NEBL: variants seen among roughly 807,000 people sequenced by gnomAD.
The protein encoded by NEBL is LIM and SH3 protein 2.
Under a neutral mutation model 140.2 loss-of-function variants are expected in NEBL, and 122 were observed. That is an observed-to-expected ratio of 0.87 (90% CI 0.75 to 1.01). The LOEUF is 1.01. Among genes scored for constraint, NEBL ranks in the 50% least tolerant of loss-of-function variants. The pLI is 0.00. For missense variants in NEBL, 1,365 were observed against 1,231.3 expected (o/e 1.11, Z -1.62); for synonymous variants, 436 against 398.9 (o/e 1.09, Z -1.11).
intron 16 of NEBL, 24 bp downstream of exon 16, chr10:20,831,172 T>G: frequency 6.7e-7 from 1 of 1,488,924 alleles, no homozygotes; most frequent in Non-Finnish European, 9.4e-7. Context: ...TACACGATTC[T>G]GAGCATCTTC....
intron 3 of NEBL, among the ~76,000 whole-genome samples, chr10:20,996,059 G>C (rs1367586937): frequency 2.0e-5 from 3 of 152,186 alleles, no homozygotes; most frequent in South Asian, 4.1e-4. Context: ...TTAGAGAACA[G>C]CGCGTTCTGG....
At chr10:21,020,739 C>T (rs772998954) in intron 2 of NEBL, among the ~76,000 whole-genome samples, 5 of 152,122 alleles carry the variant, frequency 3.3e-5, no homozygotes, top group Non-Finnish European at 5.9e-5. Context: ...GTCGTCTCCC[C>T]GGGTTTACAC....
chr10:21,257,503 C>T (rs1041331132), intron 1 of NEBL, among the ~76,000 whole-genome samples: 6 of 152,194 alleles, frequency 3.9e-5, no homozygotes, highest in Non-Finnish European at 7.3e-5. Context: ...CACTGGTCCT[C>T]ACCTCCATTG....
intron 3 of NEBL, among the ~76,000 whole-genome samples, chr10:21,217,625 A>G (rs1328967613): frequency 6.6e-6 from 1 of 152,232 alleles, no homozygotes; most frequent in Non-Finnish European, 1.5e-5. Flanking sequence ...ATATGACCCT[A>G]GATAAGATAC....
intron 3 of NEBL, among the ~76,000 whole-genome samples, chr10:21,240,528 A>C (rs1030558435): frequency 6.6e-6 from 1 of 152,140 alleles, no homozygotes; most frequent in Non-Finnish European, 1.5e-5. Flanking sequence ...CTGTAATCCC[A>C]GCTACTTGGG....
intron 2 of NEBL, among the ~76,000 whole-genome samples, chr10:21,248,282 C>T (rs1842544027): frequency 6.6e-6 from 1 of 151,726 alleles, no homozygotes; most frequent in Admixed American, 6.6e-5. Flanking sequence ...CTATGTTGCC[C>T]AGGCTGGGAA....
intron 4 of NEBL, among the ~76,000 whole-genome samples, chr10:20,928,780 C>T (rs757303472): frequency 2.0e-5 from 3 of 152,200 alleles, no homozygotes; most frequent in Non-Finnish European, 4.4e-5. Flanking sequence ...TTCTCCTACT[C>T]TACCAGACCA....
At chr10:21,037,227 G>C (rs889668657) in intron 2 of NEBL, among the ~76,000 whole-genome samples, 9 of 132,522 alleles carry the variant, frequency 6.8e-5, no homozygotes, top group African/African-American at 2.2e-4. Context: ...AACCCAACCA[G>C]CAAGAAAGAA....
chr10:20,937,774 G>C (rs987578835), intron 4 of NEBL, among the ~76,000 whole-genome samples: 4 of 152,146 alleles, frequency 2.6e-5, no homozygotes, highest in African/African-American at 9.7e-5. Context: ...TTTAGCAAAC[G>C]GCACACCAGG....
chr10:20,891,397 G>C (rs1181329490), intron 2 of NEBL, among the ~76,000 whole-genome samples: 1 of 152,140 alleles, frequency 6.6e-6, no homozygotes. Context: ...TAAATAGTAG[G>C]CTATTTTGAT....
chr10:20,874,149 TC>T (rs1365841210), intron 5 of NEBL, among the ~76,000 whole-genome samples: 1 of 152,202 alleles, frequency 6.6e-6, no homozygotes, highest in Non-Finnish European at 1.5e-5. Context: ...ACTGAATTTA[TC>T]TCTTTATTCT....
At chr10:21,237,056 T>C (rs1387132378) in intron 3 of NEBL, among the ~76,000 whole-genome samples, 1 of 152,208 alleles carries the variant, frequency 6.6e-6, no homozygotes, top group East Asian at 1.9e-4. Context: ...TCTTGATCAC[T>C]TACACTCCTT....
At chr10:20,907,779 T>G (rs1848158206) in intron 4 of NEBL, among the ~76,000 whole-genome samples, 2 of 152,190 alleles carry the variant, frequency 1.3e-5, no homozygotes, top group Admixed American at 1.3e-4. Context: ...AACACAGTAT[T>G]TCTGATTTCT....
intron 26 of NEBL, among the ~76,000 whole-genome samples, chr10:20,798,095 C>A (rs1245670314): frequency 7.1e-6 from 1 of 140,684 alleles, no homozygotes; most frequent in Non-Finnish European, 1.5e-5. Context: ...CAGAGCAAGA[C>A]CCTGTTTCTA....
In NEBL at chr10:21,259,071, C is replaced by CTT. The variant is rs35219702; in HGVS notation, n.183-7245_183-7244dup. On this transcript the variant is annotated intron_variant and non_coding_transcript_variant, in intron 1 of 8. Coordinates refer to the NEBL transcript ENST00000675702. ...ACTTGGGGAAAAAAAGACGCACAGT[C>CTT]TTTTTTTTTTTTTAATAGCTTTTTT... Among the ~76,000 whole-genome samples, 860 of 144,426 alleles carry CTT rather than the reference C, an allele frequency of 6.0e-3. 5 individuals carry two copies. The highest frequency in any genetic ancestry group is 0.036 in the Middle Eastern group (10 of 278). 94.7% of individuals were successfully genotyped at this position (144,426 alleles called of 152,430 possible).
intron 16 of NEBL, among the ~76,000 whole-genome samples, chr10:20,830,905 T>C (rs1280179897): frequency 4.1e-5 from 3 of 73,134 alleles, no homozygotes; most frequent in African/African-American, 2.0e-4. Flanking sequence ...CCTCCATCTC[T>C]AAAATTTAAA....
At chr10:21,280,125 G>C (rs754472179) in intron 1 of NEBL, among the ~76,000 whole-genome samples, 3 of 152,092 alleles carry the variant, frequency 2.0e-5, no homozygotes, top group Non-Finnish European at 4.4e-5. Flanking sequence ...GCAGATTAGG[G>C]TCACCTGGGG....
rs765811182 is a variant in NEBL at position 20,852,616 on chromosome 10, C to CTT, written c.935_936dup (p.Gly313LysfsTer26). On this transcript the variant is annotated frameshift_variant, in exon 10 of 28. Transcript: ENST00000377122. LOFTEE classifies it high-confidence loss of function. ...GCATCTGCATCAAAATGATACATTC[C>CTT]TTTGTTTTCCTCAAAGAGCTTTTTA... 1 of 1,613,684 alleles carries CTT rather than the reference C, an allele frequency of 6.2e-7. No homozygotes were observed. The highest frequency in any genetic ancestry group is 1.7e-5 in the Admixed American group (1 of 60,010).
intron 2 of NEBL, among the ~76,000 whole-genome samples, chr10:21,081,012 G>A (rs747692725): frequency 2.0e-5 from 3 of 151,888 alleles, no homozygotes; most frequent in Non-Finnish European, 2.9e-5. Flanking sequence ...GCACCACCAC[G>A]CCTAGCTAAT....
Sources: gnomAD v4.1 joint callset for allele counts (sites outside exome capture counted in the v4.1 genomes callset) on GRCh38, gnomAD v4.1.1 for gene constraint, MANE v1.5 for transcripts, NCBI Gene and HGNC (gene_info 2026-07-23, HGNC 2026-07-21) for gene names.